The following ST3GAL5 variants were observed in gnomAD, a reference collection of about 807,000 sequenced individuals.
The protein encoded by ST3GAL5 is lactosylceramide alpha-2,3-sialyltransferase.
A neutral mutation model predicts 46.1 loss-of-function variants in ST3GAL5; 25 were observed. That is an observed-to-expected ratio of 0.54 (90% confidence interval 0.40 to 0.76). The LOEUF is 0.76. Among genes scored for constraint, ST3GAL5 ranks in the 30% least tolerant of loss-of-function variants. ST3GAL5 has a pLI of 0.00. For missense variants in ST3GAL5, 431 were observed against 521.2 expected, an observed-to-expected ratio of 0.83 and a Z score of 1.69; for synonymous variants, 182 against 192.7, an observed-to-expected ratio of 0.94 and a Z score of 0.46.
chr2:85,866,768 T>C (rs570386981), intron 1 of ST3GAL5, among the ~76,000 whole-genome samples: 1 of 152,344 alleles, frequency 6.6e-6, no homozygotes, highest in East Asian at 1.9e-4. Context: ...CCTGGAGGAA[T>C]GAGCTGCAGA....
intron 1 of ST3GAL5, among the ~76,000 whole-genome samples, chr2:85,873,230 C>A (rs975095580): frequency 6.6e-6 from 1 of 152,184 alleles, no homozygotes; most frequent in Non-Finnish European, 1.5e-5. Flanking sequence ...ATGGGACCAC[C>A]GTGAGAGCAA....
Position 85,848,040 on chromosome 2 carries a change from A to C in ST3GAL5, c.483T>G (p.Pro161=). The change falls in exon 4 of 7, where the codon CCT becomes CCG. Residue 161 remains proline (P), a synonymous_variant. Coordinates refer to ENST00000638572, the MANE Select transcript of ST3GAL5 (RefSeq NM_003896.4). ...DSEAESKYDP[P]FGFRKFSSKV... ...TACTGGAGAACTTCCGGAACCCAAA[A>C]GGAGGATCGTACTTGGACTCAGCTT... 3 of 1,614,150 alleles carry C rather than the reference A, an allele frequency of 1.9e-6. No homozygotes were observed. The highest frequency in any genetic ancestry group is 2.5e-6 in the Non-Finnish European group (3 of 1,180,030).
intron 1 of ST3GAL5, among the ~76,000 whole-genome samples, chr2:85,880,592 G>C (rs530795453): frequency 2.6e-3 from 390 of 152,320 alleles, no homozygotes; most frequent in Non-Finnish European, 4.8e-3. Flanking sequence ...GGGAGGCTGA[G>C]GTGGGTGGAT....
In ST3GAL5 at chr2:85,848,109, G is replaced by A. The variant is rs368878731; in HGVS notation, c.414C>T (p.Ser138=). ...TCTGCACAAAAGGGAGTAAGTCCAC[G>A]CTATACCTGTGCTCAAATAACAGCG... ...SMALLFEHRY[S]VDLLPFVQKA... is the part of the protein sequence containing the mutation. Residue 138 remains serine, a synonymous_variant, in exon 4 of 7, where the codon AGC becomes AGT. Transcript: ENST00000638572. 2.4e-5 allele frequency: 39 copies of A among 1,614,078 alleles called. No individual in the cohort carries two copies. The highest frequency in any genetic ancestry group is 6.7e-5 in the Admixed American group (4 of 60,000).
chr2:85,879,496 C>T lies in ST3GAL5; in HGVS notation c.82+9328G>A, dbSNP rs1017999278. Among the ~76,000 whole-genome samples, 3 of 152,110 alleles carry T rather than the reference C, an allele frequency of 2.0e-5. 1 individual carries two copies. Among genetic ancestry groups the T allele is most frequent in the African/African-American group, 7.2e-5 (3 of 41,432 alleles). On this transcript the variant is annotated intron_variant, in intron 1 of 6. Coordinates refer to ENST00000638572, the MANE Select transcript of ST3GAL5 (RefSeq NM_003896.4). ...CACTAGGGGTAAACTGAAGAAATTG[C>T]CCCTAGAACTGCCCCTCCCCCTGGG...
chr2:85,856,829 C>T (rs988961832), intron 3 of ST3GAL5, among the ~76,000 whole-genome samples: 3 of 151,498 alleles, frequency 2.0e-5, no homozygotes, highest in South Asian at 4.2e-4. Context: ...CCTCGGCCTC[C>T]CAAAAAGCTG....
In ST3GAL5 at chr2:85,847,524, T is replaced by A. The variant is rs570414468; in HGVS notation, c.662+337A>T. On this transcript the variant is annotated intron_variant, in intron 4 of 6. Transcript: ENST00000638572. ...GAAGAGCTTCCTGTGTCCCTCACTGTTCCTGGAGCCACACTGACCAAGAGC... is the reference window on the plus strand; with the variant it reads ...GAAGAGCTTCCTGTGTCCCTCACTGATCCTGGAGCCACACTGACCAAGAGC... 1.4e-4 allele frequency: 148 copies of A among 1,076,622 alleles called. 1 individual carries two copies. Among genetic ancestry groups the A allele is most frequent in the African/African-American group, 9.1e-4 (55 of 60,494 alleles). 66.7% of individuals were successfully genotyped at this position (1,076,622 alleles called of 1,614,324 possible). A position where few individuals can be genotyped will look rare whatever the true frequency, so the allele number is the denominator to read the frequency against.
intron 3 of ST3GAL5, chr2:85,855,951 T>G (rs141759800): frequency 6.6e-6 from 1 of 152,174 alleles, no homozygotes; most frequent in Non-Finnish European, 1.5e-5. Context: ...ATAACAAATG[T>G]TGATAAAGAT....
intron 1 of ST3GAL5, among the ~76,000 whole-genome samples, chr2:85,867,266 T>G (rs1685388383): frequency 6.6e-6 from 1 of 152,226 alleles, no homozygotes; most frequent in African/African-American, 2.4e-5. Flanking sequence ...ACAGCATCAG[T>G]GTAACCTGGA....
chr2:85,865,502 T>A (rs1685198557), intron 1 of ST3GAL5, among the ~76,000 whole-genome samples: 1 of 152,222 alleles, frequency 6.6e-6, no homozygotes, highest in Non-Finnish European at 1.5e-5. Context: ...AAACCTTTGC[T>A]GAAGAATCTG....
chr2:85,864,531 T>C (rs1163520674), intron 1 of ST3GAL5, among the ~76,000 whole-genome samples: 3 of 148,646 alleles, frequency 2.0e-5, no homozygotes, highest in East Asian at 3.9e-4. Flanking sequence ...TTAAAATTTA[T>C]ATAATAAAAA....
rs1573562866 is a variant in ST3GAL5 at position 85,839,828 on chromosome 2, C to T, written c.*316G>A. On this transcript the variant is annotated 3_prime_UTR_variant, in exon 7 of 7. Transcript: ENST00000638572. ...ACCTGTATTCAATGTGCAGTGTAAA[C>T]GAGCAGAAGTTTTACAAATTAAATT... 4 of 382,294 alleles carry T rather than the reference C, an allele frequency of 1.0e-5. No individual in the cohort carries two copies. The highest frequency in any genetic ancestry group is 2.1e-5 in the African/African-American group (1 of 48,074). The allele number at this position is 382,294 out of a possible 1,614,324, so 23.7% of individuals were successfully genotyped here. A position where few individuals can be genotyped will look rare whatever the true frequency, so the allele number is the denominator to read the frequency against.
At chr2:85,880,429 C>A (rs899483995) in intron 1 of ST3GAL5, among the ~76,000 whole-genome samples, 1 of 152,220 alleles carries the variant, frequency 6.6e-6, no homozygotes, top group Non-Finnish European at 1.5e-5. Context: ...GGCTCCCCAA[C>A]AGACATAACA....
At chr2:85,847,366 A>G (rs1682921689) in intron 4 of ST3GAL5, 8 of 994,500 alleles carry the variant, frequency 8.0e-6, no homozygotes, top group Non-Finnish European at 8.4e-6. Flanking sequence ...TCCTCTGACA[A>G]GGTTCTGCCA....
chr2:85,859,449 G>T (rs1416967073), intron 3 of ST3GAL5, among the ~76,000 whole-genome samples: 1 of 152,158 alleles, frequency 6.6e-6, no homozygotes, highest in Non-Finnish European at 1.5e-5. Flanking sequence ...TGTCTGCAAG[G>T]CCAGACAGTC....
intron 6 of ST3GAL5, among the ~76,000 whole-genome samples, chr2:85,842,317 T>G (rs2103921526): frequency 6.6e-6 from 1 of 152,360 alleles, no homozygotes; most frequent in Non-Finnish European, 1.5e-5. Context: ...GTGACCATCT[T>G]GTCACACAGG....
intron 3 of ST3GAL5, chr2:85,849,379 C>A (rs1234892108): frequency 6.6e-6 from 1 of 152,410 alleles, no homozygotes; most frequent in Non-Finnish European, 1.5e-5. Flanking sequence ...CAGAGGGAGA[C>A]CCTGTCTCTA....
At chr2:85,861,321 T>A in intron 2 of ST3GAL5, 29 bp from the exon 3 acceptor site, 2 of 1,380,534 alleles carry the variant, frequency 1.4e-6, no homozygotes, top group South Asian at 2.3e-5. Flanking sequence ...GGTATTATGA[T>A]GTAGTCATGT....
chr2:85,878,654 TA>T (rs1276645769), intron 1 of ST3GAL5, among the ~76,000 whole-genome samples: 1 of 152,242 alleles, frequency 6.6e-6, no homozygotes, highest in East Asian at 1.9e-4. Flanking sequence ...AAAAATTTCA[TA>T]AGCTTCTTCC....
Sources: allele counts gnomAD v4.1 joint callset (sites outside exome capture counted in the v4.1 genomes callset), GRCh38; gene constraint gnomAD v4.1.1; transcripts MANE v1.5; gene names NCBI Gene and HGNC (gene_info 2026-07-23, HGNC 2026-07-21).